The following IFNLR1 variants were observed in gnomAD, a reference collection of about 807,000 sequenced individuals.
IFNLR1 encodes the protein interferon lambda receptor 1.
Under a neutral mutation model 52.5 loss-of-function variants are expected in IFNLR1, and 28 were observed. The ratio of observed to expected loss-of-function variants is 0.53; its 90% CI spans 0.40 to 0.73. IFNLR1 has a LOEUF of 0.73. IFNLR1 is among the 30% of genes least tolerant of loss of function. IFNLR1 has a pLI of 0.00. For synonymous variants in IFNLR1, 276 were observed against 274.9 expected (o/e 1.00, Z -0.04); for missense variants, 623 against 659.1 (o/e 0.95, Z 0.60).
intron 1 of IFNLR1, among the ~76,000 whole-genome samples, chr1:24,182,745 C>G (rs1422782772): frequency 6.6e-6 from 1 of 152,038 alleles, no homozygotes; most frequent in South Asian, 2.1e-4. Context: ...CATGGTGAAA[C>G]CCTGTCTCTA....
chr1:24,159,269 C>T, intron 5 of IFNLR1, 87 bp from the exon 6 acceptor site: 15 of 1,483,342 alleles, frequency 1.0e-5, no homozygotes, highest in Non-Finnish European at 1.4e-5. Flanking sequence ...ATACATGACC[C>T]TATTTAATCC....
chr1:24,187,211 C>G lies in IFNLR1; in HGVS notation c.38G>C (p.Cys13Ser). 7.6e-7 allele frequency: 1 copy of G among 1,321,738 alleles called. No homozygotes were observed. The highest frequency in any genetic ancestry group is 9.7e-7 in the Non-Finnish European group (1 of 1,036,188). 81.9% of individuals were successfully genotyped at this position (1,321,738 alleles called of 1,614,324 possible). Reference protein sequence around the residue: ...GPERWGPLLLCLLQAAPGRPR... With the variant: ...GPERWGPLLLSLLQAAPGRPR... ...CTTACCTGGAGCGGCCTGCAGCAGG[C>G]ACAGGAGCAGGGGGCCCCAGCGCTC... is the stretch of plus-strand genomic sequence containing the variant. Residue 13 changes from cysteine (C) to serine (S), a missense_variant, in exon 1 of 7, where the codon TGC becomes TCC. Coordinates refer to ENST00000327535, the MANE Select transcript of IFNLR1 (RefSeq NM_170743.4).
At chr1:24,164,531 T>A (rs60253354) in intron 3 of IFNLR1, among the ~76,000 whole-genome samples, 38,229 of 152,096 alleles carry the variant, frequency 0.25, 5,058 homozygotes, top group East Asian at 0.5. Context: ...AGATCCTTTT[T>A]TCAGATAAGC....
chr1:24,165,411 G>T (rs1421246305), intron 3 of IFNLR1, among the ~76,000 whole-genome samples: 1 of 152,078 alleles, frequency 6.6e-6, no homozygotes, highest in Non-Finnish European at 1.5e-5. Context: ...CTACTAACAG[G>T]CTTTTCACGA....
rs1569697717 is a variant in IFNLR1, at chr1:24,180,765, G to A, written c.148C>T (p.Pro50Ser). Residue 50 changes from proline (P) to serine (S), a missense_variant, in exon 2 of 7, where the codon CCC (proline) becomes TCC (serine). Pro to Ser is a moderately conservative substitution (Grantham distance 74). Coordinates refer to ENST00000327535, the MANE Select transcript of IFNLR1 (RefSeq NM_170743.4). ...YLTWLPGLGN[P>S]QDVTYFVAYQ... ...GCCACAAAATAGGTCACATCCTGGG[G>A]GTTGCCAAGCCCTGGGAGCCATGTC... 1.9e-6 allele frequency: 3 copies of A among 1,613,860 alleles called. No individual in the cohort carries two copies. Among genetic ancestry groups the A allele is most frequent in the Admixed American group, 1.7e-5 (1 of 59,980 alleles).
intron 3 of IFNLR1, among the ~76,000 whole-genome samples, chr1:24,167,390 A>AT (rs544776770): frequency 8.6e-4 from 128 of 148,120 alleles, no homozygotes; most frequent in Admixed American, 2.1e-3. Context: ...CTTATTATAA[A>AT]TTTTTTTTTT....
In IFNLR1 at chr1:24,169,624, T is replaced by A; in HGVS notation, c.183-23A>T. The A allele has an allele frequency of 3.1e-6, 5 of 1,605,804 alleles. No homozygotes were observed. In the South Asian group the frequency reaches 5.6e-5, roughly 18 times the overall value. On this transcript the variant is annotated intron_variant, in intron 2 of 6. Coordinates refer to ENST00000327535, the MANE Select transcript of IFNLR1 (RefSeq NM_170743.4). ...GAGCTGGGGGAGGAGAGAGGAGAGC[T>A]TGGGCCATGGACTCAGCCTCTCCGG...
In IFNLR1 at chr1:24,157,914, A is replaced by G. The variant is rs78158201; in HGVS notation, c.802-23T>C. 8,979 of 1,525,672 alleles carry G rather than the reference A, an allele frequency of 5.9e-3. 460 individuals are homozygous for G. In the African/African-American group the frequency reaches 0.11, roughly 19 times the overall value. The allele number at this position is 1,525,672 out of a possible 1,614,324, so 94.5% of individuals were successfully genotyped here. ...GTCCTGATTTGGGTAGGGGAGAGAAAAGCAGAAAATTTAGGCTTTCCTGAA... is the reference window on the plus strand; with the variant it reads ...GTCCTGATTTGGGTAGGGGAGAGAAGAGCAGAAAATTTAGGCTTTCCTGAA... On this transcript the variant is annotated intron_variant, in intron 6 of 6. Coordinates refer to ENST00000327535, the MANE Select transcript of IFNLR1 (RefSeq NM_170743.4). This position sits in a 1 kb window ranked among gnomAD's most constrained non-coding sequence, Gnocchi z 5.1.
Position 24,157,849 on chromosome 1 carries a change from T to C in IFNLR1, c.844A>G (p.Ser282Gly), listed in dbSNP as rs773437363. The change falls in exon 7 of 7, where the codon AGC (serine) becomes GGC (glycine). Residue 282 changes from serine to glycine, a missense_variant. Transcript: ENST00000327535. This position sits in a 1 kb window ranked among gnomAD's most constrained non-coding sequence, Gnocchi z 5.1. ...AAGTCATTCACGGACTCTGGTCTGCTGGGCTGAAAGGTTGCCACAGGGTGT... is the reference window on the plus strand; with the variant it reads ...AAGTCATTCACGGACTCTGGTCTGCCGGGCTGAAAGGTTGCCACAGGGTGT... ...HTHPVATFQP[S>G]RPESVNDLFL... 6.2e-7 allele frequency: 1 copy of C among 1,610,676 alleles called. No individual in the cohort carries two copies. The highest frequency in any genetic ancestry group is 1.1e-5 in the South Asian group (1 of 90,522).
At chr1:24,159,736 T>TTTGTTTTTTTTTTTTG in intron 4 of IFNLR1, 103 bp from the exon 5 acceptor site, 1 of 630,784 alleles carries the variant, frequency 1.6e-6, no homozygotes, top group Non-Finnish European at 2.4e-6. Context: ...GTTTTTTTTT[T>TTTGTTTTTTTTTTTTG]GTTTTTTTTT....
At chr1:24,158,975 A>G (rs1293236588) in intron 6 of IFNLR1, 77 bp downstream of exon 6, 2 of 1,442,194 alleles carry the variant, frequency 1.4e-6, no homozygotes, top group African/African-American at 2.8e-5. Flanking sequence ...ATTCTATCTG[A>G]ACAACTCATA....
chr1:24,174,950 T>G (rs1569679213), intron 2 of IFNLR1, among the ~76,000 whole-genome samples: 1 of 151,778 alleles, frequency 6.6e-6, no homozygotes, highest in African/African-American at 2.4e-5. Flanking sequence ...AGATCAGAGG[T>G]GCAACTCATA....
chr1:24,176,736 T>C (rs10903044), intron 2 of IFNLR1, among the ~76,000 whole-genome samples: 91,848 of 151,990 alleles, frequency 0.6, 28,794 homozygotes, highest in Middle Eastern at 0.73. Flanking sequence ...AGTAGATAGA[T>C]AGACAGATAA....
chr1:24,157,675 A>C lies in IFNLR1; in HGVS notation c.1018T>G (p.Phe340Val). 6.2e-7 allele frequency: 1 copy of C among 1,612,914 alleles called. No homozygotes were observed. Among genetic ancestry groups the C allele is most frequent in the African/African-American group, 1.3e-5 (1 of 75,020 alleles). The part of the protein sequence containing the change: ...DEEDTEDGVS[F>V]QPYIEPPSFL... Reference sequence around the variant, plus strand: ...GAAGGTGGTTCAATGTAGGGCTGGAAGCTGACGCCATCTTCTGTGTCCTCC... The same window carrying C: ...GAAGGTGGTTCAATGTAGGGCTGGACGCTGACGCCATCTTCTGTGTCCTCC... Residue 340 changes from phenylalanine to valine, a missense_variant, in exon 7 of 7, where the codon TTC becomes GTC. Transcript: ENST00000327535. The surrounding 1 kb of genome is among the most constrained non-coding windows in gnomAD (Gnocchi z 5.1).
intron 1 of IFNLR1, among the ~76,000 whole-genome samples, chr1:24,181,610 T>C (rs1214050175): frequency 1.3e-5 from 2 of 152,240 alleles, no homozygotes; most frequent in Non-Finnish European, 2.9e-5. Context: ...CCCTACTCAT[T>C]GCACCTTCCC....
chr1:24,159,442 A>G, intron 5 of IFNLR1, 32 bp downstream of exon 5: 2 of 1,603,102 alleles, frequency 1.2e-6, no homozygotes, highest in Non-Finnish European at 1.7e-6. Flanking sequence ...CCCAGAGGGA[A>G]AGTTTCTCTT....
intron 1 of IFNLR1, among the ~76,000 whole-genome samples, chr1:24,181,178 C>T (rs1644687592): frequency 6.6e-6 from 1 of 152,234 alleles, no homozygotes; most frequent in Admixed American, 6.5e-5. Flanking sequence ...CAGAGCCTGC[C>T]TGCCATGGCC....
At chr1:24,164,217 A>G (rs1228083933) in intron 3 of IFNLR1, among the ~76,000 whole-genome samples, 2 of 152,212 alleles carry the variant, frequency 1.3e-5, no homozygotes, top group East Asian at 3.8e-4. Flanking sequence ...ATTAGGTTTC[A>G]AGGCCTGGGA....
intron 2 of IFNLR1, among the ~76,000 whole-genome samples, chr1:24,178,303 A>G (rs958667712): frequency 5.3e-5 from 8 of 152,050 alleles, no homozygotes; most frequent in Non-Finnish European, 7.4e-5. Flanking sequence ...AAGTATGTAC[A>G]TGTGTGTGTC....
Sources: allele counts gnomAD v4.1 joint callset (sites outside exome capture counted in the v4.1 genomes callset), GRCh38; gene constraint gnomAD v4.1.1; non-coding constraint Gnocchi (gnomAD v3.1); transcripts MANE v1.5; gene names NCBI Gene and HGNC (gene_info 2026-07-23, HGNC 2026-07-21).